MAPKAP1: variants seen among roughly 807,000 people sequenced by gnomAD.
MAPKAP1 encodes MAPK associated protein 1, also known as target of rapamycin complex 2 subunit MAPKAP1.
A neutral mutation model predicts 65.7 loss-of-function variants in MAPKAP1; 20 were observed. That is an observed-to-expected ratio of 0.30 (90% CI 0.21 to 0.44). The LOEUF is 0.44. Ranked by LOEUF, MAPKAP1 falls within the 20% of genes least tolerant of loss-of-function variation. The pLI is 1.00. For synonymous variants in MAPKAP1, 222 were observed against 244.3 expected (o/e 0.91, Z 0.85); for missense variants, 423 against 648.0 (o/e 0.65, Z 3.77).
intron 10 of MAPKAP1, among the ~76,000 whole-genome samples, chr9:125,451,896 G>A (rs1481099529): frequency 2.8e-5 from 4 of 141,328 alleles, no homozygotes; most frequent in South Asian, 2.4e-4. Context: ...TGCAACCTCC[G>A]CCTCCCAAGT....
chr9:125,619,685 T>C (rs556936398), intron 4 of MAPKAP1, among the ~76,000 whole-genome samples: 4 of 151,504 alleles, frequency 2.6e-5, no homozygotes, highest in African/African-American at 9.7e-5. Flanking sequence ...CAACTACAAA[T>C]ACCTAGGAAG....
chr9:125,491,569 G>A (rs1242418904), intron 8 of MAPKAP1, among the ~76,000 whole-genome samples: 2 of 151,840 alleles, frequency 1.3e-5, no homozygotes, highest in African/African-American at 4.8e-5. Context: ...TTGAGTCCAG[G>A]AGTTTAAAAC....
chr9:125,616,214 C>G (rs748467786), intron 4 of MAPKAP1, among the ~76,000 whole-genome samples: 2 of 152,078 alleles, frequency 1.3e-5, no homozygotes, highest in Non-Finnish European at 1.5e-5. Context: ...CTCACTACCA[C>G]ACATGCAAAA....
chr9:125,667,845 C>T (rs971993741), intron 3 of MAPKAP1, among the ~76,000 whole-genome samples: 4 of 152,018 alleles, frequency 2.6e-5, no homozygotes, highest in Admixed American at 1.3e-4. Context: ...ATAAGAACTG[C>T]TTTAAGATAT....
At chr9:125,515,057 C>A (rs369037205) in intron 7 of MAPKAP1, among the ~76,000 whole-genome samples, 1 of 152,052 alleles carries the variant, frequency 6.6e-6, no homozygotes, top group Non-Finnish European at 1.5e-5. Flanking sequence ...GTAGCTTATA[C>A]CCCCTCTGAG....
intron 8 of MAPKAP1, among the ~76,000 whole-genome samples, chr9:125,485,891 AG>A (rs1292546644): frequency 7.9e-5 from 12 of 152,334 alleles, no homozygotes; most frequent in African/African-American, 2.6e-4. Context: ...ATCCAAATTT[AG>A]GTAAAGAATA....
intron 8 of MAPKAP1, among the ~76,000 whole-genome samples, chr9:125,490,482 T>C (rs1486428686): frequency 6.6e-6 from 1 of 152,070 alleles, no homozygotes; most frequent in South Asian, 2.1e-4. Flanking sequence ...GAGGTTGCAG[T>C]GAACCAAGAT....
At chr9:125,678,042 C>A (rs1344300390) in intron 1 of MAPKAP1, among the ~76,000 whole-genome samples, 1 of 151,954 alleles carries the variant, frequency 6.6e-6, no homozygotes, top group Non-Finnish European at 1.5e-5. Flanking sequence ...CTCAGCCTCC[C>A]AAGTAGCTTG....
intron 6 of MAPKAP1, among the ~76,000 whole-genome samples, chr9:125,554,060 G>C (rs1830663696): frequency 6.6e-6 from 1 of 152,062 alleles, no homozygotes; most frequent in East Asian, 1.9e-4. Context: ...GCCAACCCTA[G>C]GATAACGTGG....
chr9:125,446,353 G>A (rs1479004684), intron 10 of MAPKAP1, among the ~76,000 whole-genome samples: 1 of 152,130 alleles, frequency 6.6e-6, no homozygotes, highest in Non-Finnish European at 1.5e-5. Flanking sequence ...AATTTAGCCT[G>A]ATTCTAAATC....
chr9:125,534,944 C>T (rs1006350899), intron 7 of MAPKAP1, among the ~76,000 whole-genome samples: 2 of 152,178 alleles, frequency 1.3e-5, no homozygotes, highest in Non-Finnish European at 2.9e-5. Flanking sequence ...ATTATAATTG[C>T]CTGCTTATCC....
intron 7 of MAPKAP1, among the ~76,000 whole-genome samples, chr9:125,528,377 T>G (rs1829833146): frequency 6.6e-6 from 1 of 152,220 alleles, no homozygotes; most frequent in Non-Finnish European, 1.5e-5. Context: ...TACCCAGCCC[T>G]TTCTGCCCTG....
At chr9:125,622,956 GC>G (rs1832953887) in intron 4 of MAPKAP1, among the ~76,000 whole-genome samples, 1 of 152,132 alleles carries the variant, frequency 6.6e-6, no homozygotes, top group South Asian at 2.1e-4. Context: ...GCAGGCACGC[GC>G]CGCCACACCT....
intron 1 of MAPKAP1, among the ~76,000 whole-genome samples, chr9:125,695,877 T>C (rs1240248123): frequency 1.3e-5 from 2 of 152,058 alleles, no homozygotes; most frequent in African/African-American, 2.4e-5. Context: ...TATAGGCATG[T>C]GCCATCACAC....
intron 4 of MAPKAP1, among the ~76,000 whole-genome samples, chr9:125,654,259 T>C (rs545473921): frequency 1.3e-5 from 2 of 152,276 alleles, no homozygotes; most frequent in South Asian, 4.1e-4. Context: ...GTTTTCCAAT[T>C]GTCTCAACCT....
chr9:125,667,806 C>T (rs1411293831), intron 3 of MAPKAP1, among the ~76,000 whole-genome samples: 3 of 152,076 alleles, frequency 2.0e-5, no homozygotes, highest in East Asian at 1.9e-4. Flanking sequence ...AATAAACTTG[C>T]TCTGTATTCA....
intron 11 of MAPKAP1, among the ~76,000 whole-genome samples, chr9:125,443,293 C>A (rs1040601135): frequency 1.3e-5 from 2 of 152,154 alleles, no homozygotes; most frequent in Admixed American, 1.3e-4. Context: ...AGCATAGGTA[C>A]TATGATCCCC....
intron 4 of MAPKAP1, among the ~76,000 whole-genome samples, chr9:125,594,227 A>T (rs10986813): frequency 0.02 from 3,002 of 152,286 alleles, 165 homozygotes; most frequent in East Asian, 0.15. Flanking sequence ...ATTGCCACCA[A>T]TGTGATTTTT....
intron 4 of MAPKAP1, among the ~76,000 whole-genome samples, chr9:125,648,573 G>C (rs981112266): frequency 6.6e-6 from 1 of 152,180 alleles, no homozygotes; most frequent in Non-Finnish European, 1.5e-5. Context: ...CTGATTCCCT[G>C]TCAGTGTTCC....
Sources: allele counts gnomAD v4.1 joint callset (sites outside exome capture counted in the v4.1 genomes callset), GRCh38; gene constraint gnomAD v4.1.1; transcripts MANE v1.5; gene names NCBI Gene and HGNC (gene_info 2026-07-23, HGNC 2026-07-21).